Variants in PHF21A observed in about 807,000 individuals in gnomAD.
PHF21A encodes the protein PHD finger protein 21A.
In PHF21A, 11 loss-of-function variants were observed where a neutral mutation model predicts 82.5. The observed-to-expected ratio is 0.13, with a 90% CI of 0.08 to 0.22. The LOEUF is 0.22. Ranked by LOEUF, PHF21A falls within the 10% of genes least tolerant of loss-of-function variation. The pLI is 1.00. For missense variants in PHF21A, 579 were observed against 837.8 expected, an observed-to-expected ratio of 0.69 and a Z score of 3.81; for synonymous variants, 297 against 302.8, an observed-to-expected ratio of 0.98 and a Z score of 0.20.
chr11:45,975,317 G>GAAAACAAAACAAAAC (rs1351999120), intron 7 of PHF21A, among the ~76,000 whole-genome samples: 1 of 100,814 alleles, frequency 9.9e-6, no homozygotes, highest in African/African-American at 4.3e-5. Flanking sequence ...CTGTCTCAAA[G>GAAAACAAAACAAAAC]AAAACAAAAT....
chr11:45,967,086 T>C (rs1189961519), intron 9 of PHF21A, among the ~76,000 whole-genome samples: 1 of 151,976 alleles, frequency 6.6e-6, no homozygotes, highest in African/African-American at 2.4e-5. Context: ...GACCCTTTCC[T>C]GGCCGGGCAC....
chr11:45,942,021 T>C (rs1565172359), intron 15 of PHF21A, among the ~76,000 whole-genome samples: 1 of 152,212 alleles, frequency 6.6e-6, no homozygotes, highest in African/African-American at 2.4e-5. Flanking sequence ...TGTTATTGTT[T>C]AATTAATGTT....
chr11:46,102,189 T>C lies in PHF21A; in HGVS notation c.-236-9966A>G, dbSNP rs116876530. On this transcript the variant is annotated intron_variant, in intron 1 of 18. Coordinates refer to ENST00000676320, the MANE Select transcript of PHF21A (RefSeq NM_001352027.3). ...GTATCAAACTCCTGAGCTCAAGTGA[T>C]ACACCAGCCTCGGCCTCCCACAGTG... 8.1e-4 allele frequency among the ~76,000 whole-genome samples: 124 copies of C among 152,280 alleles called. 1 individual carries two copies. In the East Asian group the frequency reaches 0.023, roughly 29 times the overall value.
intron 6 of PHF21A, among the ~76,000 whole-genome samples, chr11:45,992,191 A>G (rs970592408): frequency 2.0e-5 from 3 of 152,082 alleles, no homozygotes; most frequent in African/African-American, 7.2e-5. Context: ...GACGGTAATT[A>G]CACTCACTGA....
chr11:46,075,456 C>G (rs752845361), intron 6 of PHF21A, among the ~76,000 whole-genome samples: 1 of 152,188 alleles, frequency 6.6e-6, no homozygotes, highest in Admixed American at 6.5e-5. Context: ...TAACAGAATT[C>G]TAAAGCTAGA....
Position 45,945,822 on chromosome 11 carries a change from T to C in PHF21A, c.1452+18A>G. ...TTAAGCTCTCAGAAAGACAGTGTGCTTTTCCCAAGTTACTTACGTCTGTGG... is the reference window on the plus strand; with the variant it reads ...TTAAGCTCTCAGAAAGACAGTGTGCCTTTCCCAAGTTACTTACGTCTGTGG... On this transcript the variant is annotated intron_variant, in intron 15 of 18. Coordinates refer to ENST00000676320, the MANE Select transcript of PHF21A (RefSeq NM_001352027.3). 6.4e-7 allele frequency: 1 copy of C among 1,554,900 alleles called. No homozygotes were observed. The highest frequency in any genetic ancestry group is 8.7e-7 in the Non-Finnish European group (1 of 1,153,444).
At position 45,933,437 on chromosome 11, in the gene PHF21A, C is replaced by T. The variant is rs545783367; in HGVS notation, c.*531G>A. 6.5e-6 allele frequency: 1 copy of T among 152,970 alleles called. No individual in the cohort carries two copies. Among genetic ancestry groups the T allele is most frequent in the South Asian group, 2.1e-4 (1 of 4,834 alleles). The allele number at this position is 152,970 out of a possible 1,614,324, so 9.5% of individuals were successfully genotyped here. ...CCTGCTCCCTCCAGCCACTCCCCTT[C>T]CCTCTTCTGGGCACTGGGGTTGGTG... is the stretch of plus-strand genomic sequence containing the variant. On this transcript the variant is annotated 3_prime_UTR_variant, in exon 19 of 19. Coordinates refer to ENST00000676320, the MANE Select transcript of PHF21A (RefSeq NM_001352027.3).
At chr11:46,089,760 G>C (rs558775292) in intron 3 of PHF21A, among the ~76,000 whole-genome samples, 1 of 135,008 alleles carries the variant, frequency 7.4e-6, no homozygotes, top group Non-Finnish European at 1.5e-5. Context: ...ATGTCTGAAT[G>C]TATGTGAGTA....
intron 6 of PHF21A, among the ~76,000 whole-genome samples, chr11:46,070,725 A>G (rs1490743633): frequency 6.6e-6 from 1 of 152,268 alleles, no homozygotes; most frequent in African/African-American, 2.4e-5. Flanking sequence ...AGGAGTAAAA[A>G]GAAATAGAAG....
chr11:46,020,475 T>C (rs1173306690), intron 6 of PHF21A, among the ~76,000 whole-genome samples: 7 of 152,192 alleles, frequency 4.6e-5, no homozygotes, highest in Admixed American at 4.6e-4. Context: ...TTACCAGGCT[T>C]GTGGATTACT....
intron 1 of PHF21A, among the ~76,000 whole-genome samples, chr11:46,093,532 T>A (rs1410801028): frequency 6.6e-6 from 1 of 152,170 alleles, no homozygotes; most frequent in Non-Finnish European, 1.5e-5. Context: ...CCCATGCAAA[T>A]AACAATTTTA....
Position 46,059,161 on chromosome 11 carries a change from T to C in PHF21A, c.153+17593A>G, listed in dbSNP as rs181775441. Reference sequence around the variant, plus strand: ...TTTTACTTCTAGGAAATAATCAAAATTACGTACAAATATTTACGTCCAAGG... The same window carrying C: ...TTTTACTTCTAGGAAATAATCAAAACTACGTACAAATATTTACGTCCAAGG... On this transcript the variant is annotated intron_variant, in intron 6 of 18. Coordinates refer to ENST00000676320, the MANE Select transcript of PHF21A (RefSeq NM_001352027.3). 2.6e-4 allele frequency among the ~76,000 whole-genome samples: 40 copies of C among 152,288 alleles called. 1 individual carries two copies. Among genetic ancestry groups the C allele is most frequent in the African/African-American group, 8.9e-4 (37 of 41,562 alleles).
At chr11:46,096,299 A>C (rs1225656432) in intron 1 of PHF21A, among the ~76,000 whole-genome samples, 2 of 149,952 alleles carry the variant, frequency 1.3e-5, no homozygotes, top group African/African-American at 2.5e-5. Flanking sequence ...AAAAAAAAAA[A>C]CCCTCTTGAC....
intron 17 of PHF21A, among the ~76,000 whole-genome samples, chr11:45,936,060 T>C (rs10838535): frequency 0.53 from 80,255 of 152,014 alleles, 23,439 homozygotes; most frequent in Non-Finnish European, 0.66. Flanking sequence ...GGTGAATCAC[T>C]TGAGCCCAGG....
At chr11:45,957,751 C>CAAAAAAAAAAAAAAAAAAAAAAAAAAGA in intron 10 of PHF21A, among the ~76,000 whole-genome samples, 1 of 60,892 alleles carries the variant, frequency 1.6e-5, no homozygotes, top group African/African-American at 6.0e-5. Flanking sequence ...AAATTCAAAG[C>CAAAAAAAAAAAAAAAAAAAAAAAAAAGA]AAAAAAAAAA....
intron 6 of PHF21A, among the ~76,000 whole-genome samples, chr11:46,063,146 T>C (rs2096555866): frequency 6.6e-6 from 1 of 152,180 alleles, no homozygotes; most frequent in East Asian, 1.9e-4. Flanking sequence ...TAAAAGTGGC[T>C]AAAAAAATGA....
rs147478433 is a variant in PHF21A, at chr11:46,010,902, C to T, written c.154-30936G>A. Among the ~76,000 whole-genome samples, 599 of 152,218 alleles carry T rather than the reference C, an allele frequency of 3.9e-3. 2 individuals are homozygous for T. Among genetic ancestry groups the T allele is most frequent in the Non-Finnish European group, 5.4e-3 (365 of 68,000 alleles). On this transcript the variant is annotated intron_variant, in intron 6 of 18. Transcript: ENST00000676320. ...TAACCAGGCAGTGAACAGCATCATA[C>T]CAGCTCCTTTCTCTCCTACTATAAT...
chr11:46,051,548 G>C (rs1423066463), intron 6 of PHF21A, among the ~76,000 whole-genome samples: 1 of 152,108 alleles, frequency 6.6e-6, no homozygotes, highest in African/African-American at 2.4e-5. Flanking sequence ...CTCAAACAGA[G>C]TACTCTAACT....
At chr11:46,075,030 T>C (rs1051133202) in intron 6 of PHF21A, among the ~76,000 whole-genome samples, 1 of 152,216 alleles carries the variant, frequency 6.6e-6, no homozygotes, top group African/African-American at 2.4e-5. Context: ...ATACCTAAAG[T>C]TTTCCTGATG....
Sources: gnomAD v4.1 joint callset for allele counts (sites outside exome capture counted in the v4.1 genomes callset) on GRCh38, gnomAD v4.1.1 for gene constraint, MANE v1.5 for transcripts, NCBI Gene and HGNC (gene_info 2026-07-23, HGNC 2026-07-21) for gene names.